Variants in SYT1 observed in about 807,000 individuals in gnomAD.
SYT1 encodes synaptotagmin-1.
Under a neutral mutation model 44.8 loss-of-function variants are expected in SYT1, and 8 were observed. That is an observed-to-expected ratio of 0.18 (90% CI 0.10 to 0.32). SYT1 has a LOEUF of 0.32. Ranked by LOEUF, SYT1 falls within the 10% of genes least tolerant of loss-of-function variation. The pLI is 1.00. For missense variants in SYT1, 286 were observed against 509.3 expected (o/e 0.56, Z 4.22); for synonymous variants, 154 against 188.8 (o/e 0.82, Z 1.51).
At chr12:79,245,490 G>GA (rs796294079) in intron 4 of SYT1, among the ~76,000 whole-genome samples, 94 of 133,706 alleles carry the variant, frequency 7.0e-4, no homozygotes, top group African/African-American at 2.2e-3. Flanking sequence ...AAAAAAAAAA[G>GA]AAAAGAAAAA....
At chr12:78,954,528 CAGAGAGAG>C (rs879698866) in intron 1 of SYT1, among the ~76,000 whole-genome samples, 2 of 150,092 alleles carry the variant, frequency 1.3e-5, no homozygotes, top group Admixed American at 6.7e-5. Context: ...CATGGAACAT[CAGAGAGAG>C]AGAGAGAAAG....
At chr12:79,281,832 A>G (rs1389142366) in intron 4 of SYT1, among the ~76,000 whole-genome samples, 1 of 152,200 alleles carries the variant, frequency 6.6e-6, no homozygotes, top group Non-Finnish European at 1.5e-5. Context: ...GTTTACTGTC[A>G]TAAAAGCCAC....
intron 1 of SYT1, among the ~76,000 whole-genome samples, chr12:78,917,669 G>A (rs1947736): frequency 0.71 from 107,279 of 151,260 alleles, 38,657 homozygotes; most frequent in African/African-American, 0.82. Context: ...ATAAATTTCC[G>A]TTAACACCCC....
intron 9 of SYT1, among the ~76,000 whole-genome samples, chr12:79,429,830 T>G (rs553141785): frequency 1.3e-5 from 2 of 152,338 alleles, no homozygotes; most frequent in South Asian, 4.1e-4. Flanking sequence ...TTTGTAGTGT[T>G]AATCTGGGCA....
intron 2 of SYT1, among the ~76,000 whole-genome samples, chr12:79,017,290 A>G (rs1871869701): frequency 6.6e-6 from 1 of 152,180 alleles, no homozygotes. Flanking sequence ...ATCAAGCATT[A>G]TGCTAAGTGT....
At chr12:78,987,254 C>T (rs766354881) in intron 2 of SYT1, among the ~76,000 whole-genome samples, 1 of 151,974 alleles carries the variant, frequency 6.6e-6, no homozygotes, top group Non-Finnish European at 1.5e-5. Flanking sequence ...AGTCTGTGCC[C>T]TCTCCAAAGG....
At chr12:79,382,239 C>T (rs1177233790) in intron 9 of SYT1, among the ~76,000 whole-genome samples, 4 of 152,064 alleles carry the variant, frequency 2.6e-5, no homozygotes, top group African/African-American at 9.7e-5. Flanking sequence ...AAATATGATG[C>T]CTTTGCCTAT....
intron 3 of SYT1, among the ~76,000 whole-genome samples, chr12:79,171,031 A>G (rs972574807): frequency 5.3e-5 from 8 of 152,024 alleles, no homozygotes; most frequent in African/African-American, 1.7e-4. Flanking sequence ...CGGATTCTCT[A>G]TTCTGTTCCA....
chr12:79,053,516 A>C (rs985002027), intron 3 of SYT1, among the ~76,000 whole-genome samples: 11 of 150,322 alleles, frequency 7.3e-5, no homozygotes, highest in Non-Finnish European at 1.5e-4. Flanking sequence ...ATAATAATAA[A>C]ATTTAAAAAA....
intron 9 of SYT1, among the ~76,000 whole-genome samples, chr12:79,401,970 A>G (rs530654978): frequency 2.6e-5 from 4 of 152,238 alleles, no homozygotes; most frequent in Middle Eastern, 3.4e-3. Context: ...AAACTCAAAC[A>G]TTTGTAGGCC....
At chr12:79,344,022 C>G (rs1167366579) in intron 8 of SYT1, among the ~76,000 whole-genome samples, 1 of 152,156 alleles carries the variant, frequency 6.6e-6, no homozygotes, top group Non-Finnish European at 1.5e-5. Flanking sequence ...AGACAGGTAG[C>G]TCTAATAAAG....
chr12:78,897,695 A>C (rs574354141), intron 1 of SYT1, among the ~76,000 whole-genome samples: 1 of 152,168 alleles, frequency 6.6e-6, no homozygotes, highest in Admixed American at 6.6e-5. Context: ...TACATCTACC[A>C]TTTCAAATGC....
In SYT1 at chr12:79,239,938, C is replaced by T. The variant is rs536829148; in HGVS notation, c.166+22253C>T. Among the ~76,000 whole-genome samples the T allele has an allele frequency of 1.7e-4, 26 of 152,306 alleles. 1 individual carries two copies. The South Asian group carries it at 5.2e-3, about 30-fold the overall frequency. ...AACATCTCTCTCACCTCAGGAAGGG[C>T]CTAGTCATGCTTTAAGGGCTTGCAA... On this transcript the variant is annotated intron_variant, in intron 4 of 10. Coordinates refer to ENST00000261205, the MANE Select transcript of SYT1 (RefSeq NM_005639.3).
chr12:79,287,831 A>T (rs1259005050), intron 5 of SYT1, among the ~76,000 whole-genome samples: 1 of 152,086 alleles, frequency 6.6e-6, no homozygotes, highest in Non-Finnish European at 1.5e-5. Context: ...TTCATTGATG[A>T]TCTATTTTTT....
chr12:79,431,516 A>T (rs1383505722), intron 9 of SYT1, among the ~76,000 whole-genome samples: 2 of 140,862 alleles, frequency 1.4e-5, no homozygotes, highest in Admixed American at 7.1e-5. Flanking sequence ...TTATTTTATT[A>T]TTTATTTATT....
At chr12:79,370,491 G>T (rs543251226) in intron 9 of SYT1, among the ~76,000 whole-genome samples, 3 of 152,206 alleles carry the variant, frequency 2.0e-5, no homozygotes, top group Non-Finnish European at 2.9e-5. Flanking sequence ...GGCCGGGCGC[G>T]GTGGCTCACT....
At chr12:79,317,653 G>A (rs1001423728) in intron 8 of SYT1, among the ~76,000 whole-genome samples, 8 of 152,096 alleles carry the variant, frequency 5.3e-5, no homozygotes, top group African/African-American at 1.9e-4. Flanking sequence ...ACTGTCGGGC[G>A]AAGTGTCAGA....
intron 3 of SYT1, among the ~76,000 whole-genome samples, chr12:79,179,517 ATC>A (rs1438096472): frequency 9.5e-4 from 67 of 70,426 alleles, no homozygotes; most frequent in African/African-American, 1.8e-3. Context: ...ATATAGATAT[ATC>A]TATATAGATA....
At chr12:79,355,386 C>T (rs1473794050) in intron 9 of SYT1, among the ~76,000 whole-genome samples, 4 of 152,120 alleles carry the variant, frequency 2.6e-5, no homozygotes, top group Non-Finnish European at 5.9e-5. Flanking sequence ...ATTTTATATT[C>T]TTTGTTTCTG....
Sources: allele counts gnomAD v4.1 joint callset (sites outside exome capture counted in the v4.1 genomes callset), GRCh38; gene constraint gnomAD v4.1.1; transcripts MANE v1.5; gene names NCBI Gene and HGNC (gene_info 2026-07-23, HGNC 2026-07-21).